TTC34: variants seen among roughly 807,000 people sequenced by gnomAD.
TTC34 encodes tetratricopeptide repeat protein 34.
A neutral mutation model predicts 40.7 loss-of-function variants in TTC34; 44 were observed. That is an observed-to-expected ratio of 1.08 (90% confidence interval 0.85 to 1.39). The LOEUF (loss-of-function observed/expected upper bound fraction) is 1.39. TTC34 is among the 40% of genes most tolerant of loss of function. The probability of loss-of-function intolerance (pLI) is 0.00; values close to 1 mark genes in which losing one functional copy is unlikely to be tolerated. For missense variants in TTC34, 884 were observed against 838.0 expected, an observed-to-expected ratio of 1.05 and a Z score of -0.68; for synonymous variants, 422 against 398.6, an observed-to-expected ratio of 1.06 and a Z score of -0.70.
At position 2,683,728 on chromosome 1, in the gene TTC34, C is replaced by T. The variant is rs1253946516; in HGVS notation, c.2227-38165G>A. 8.8e-4 allele frequency among the ~76,000 whole-genome samples: 127 copies of T among 145,102 alleles called. 4 individuals carry two copies. Among genetic ancestry groups the T allele is most frequent in the African/African-American group, 3.3e-3 (124 of 37,104 alleles). On this transcript the variant is annotated intron_variant, in intron 6 of 8. Coordinates refer to ENST00000401095, the Ensembl canonical transcript of TTC34. ...AGCACCCACACCCCCAGGTGAGCAG[C>T]TGATATCCTGGAACAGCACCCACAC...
chr1:2,749,353 G>T (rs1641242541), intron 6 of TTC34, among the ~76,000 whole-genome samples: 1 of 105,972 alleles, frequency 9.4e-6, no homozygotes, highest in Non-Finnish European at 1.7e-5. Context: ...GACTGGAACA[G>T]CACCCACATG....
intron 6 of TTC34, among the ~76,000 whole-genome samples, chr1:2,648,502 G>T (rs778217482): frequency 2.6e-5 from 4 of 152,130 alleles, no homozygotes; most frequent in Non-Finnish European, 4.4e-5. Context: ...GCTCTTTGCT[G>T]CCTGTTGTTT....
chr1:2,800,666 C>G (rs1643761874), exon 2 of TTC34: 2 of 398,554 alleles, frequency 5.0e-6, no homozygotes, highest in Non-Finnish European at 8.8e-6. Context: ...CCGCCGCCCC[C>G]CGAGCCTGGG....
At chr1:2,642,464 C>A (rs12726651) in intron 8 of TTC34, among the ~76,000 whole-genome samples, 1 of 152,040 alleles carries the variant, frequency 6.6e-6, no homozygotes, top group Admixed American at 6.5e-5. Context: ...GGACGGAGGG[C>A]ACAGCCTGTG....
intron 6 of TTC34, among the ~76,000 whole-genome samples, chr1:2,688,089 C>T (rs528707681): frequency 4.0e-5 from 6 of 151,618 alleles, no homozygotes; most frequent in South Asian, 2.1e-4. Flanking sequence ...ACCCTGCACC[C>T]CCAGGTGCGC....
chr1:2,784,326 C>T (rs1220598707), intron 5 of TTC34, among the ~76,000 whole-genome samples: 1 of 152,180 alleles, frequency 6.6e-6, no homozygotes, highest in Non-Finnish European at 1.5e-5. Flanking sequence ...CCTTCTACCG[C>T]TATCTACTAC....
intron 3 of TTC34, 99 bp downstream of exon 3, chr1:2,789,404 C>G: frequency 8.3e-7 from 1 of 1,211,068 alleles, no homozygotes; most frequent in South Asian, 1.6e-5. Context: ...CCACTGCCTC[C>G]GTTCATTCCT....
chr1:2,790,736 T>C (rs1392926890), intron 2 of TTC34, among the ~76,000 whole-genome samples: 1 of 152,228 alleles, frequency 6.6e-6, no homozygotes, highest in Non-Finnish European at 1.5e-5. Context: ...TTTCCTCCTC[T>C]GGGAATCAGT....
chr1:2,685,153 C>T (rs1203881495), intron 6 of TTC34, among the ~76,000 whole-genome samples: 1 of 144,508 alleles, frequency 6.9e-6, no homozygotes, highest in Non-Finnish European at 1.5e-5. Context: ...GGAACAGCAC[C>T]CACAACCCCA....
chr1:2,642,444 T>C (rs1364829411), intron 8 of TTC34, among the ~76,000 whole-genome samples: 1 of 152,086 alleles, frequency 6.6e-6, no homozygotes, highest in Non-Finnish European at 1.5e-5. Context: ...CCCCTCTCCC[T>C]GGGGCTGCTG....
chr1:2,759,358 A>C (rs1291362381), intron 6 of TTC34, among the ~76,000 whole-genome samples: 150 of 17,222 alleles, frequency 8.7e-3, no homozygotes, highest in Non-Finnish European at 0.012. Context: ...CACCCCACAC[A>C]CCCAGGTGAG....
chr1:2,761,330 G>T (rs1300054477), intron 6 of TTC34, among the ~76,000 whole-genome samples: 7 of 81,560 alleles, frequency 8.6e-5, no homozygotes, highest in South Asian at 5.4e-4. Context: ...ACAACCCCAG[G>T]TGAGTATCTG....
intron 3 of TTC34, among the ~76,000 whole-genome samples, chr1:2,788,123 G>A (rs1432879873): frequency 1.3e-5 from 2 of 152,244 alleles, no homozygotes; most frequent in Non-Finnish European, 2.9e-5. Flanking sequence ...GTGCTCACTG[G>A]GAAATGGGGC....
rs1466696221 is a variant in TTC34, at chr1:2,691,255, C to A, written c.2227-45692G>T. 3.3e-5 allele frequency among the ~76,000 whole-genome samples: 3 copies of A among 91,430 alleles called. No homozygotes were observed. The East Asian group carries it at 7.8e-4, about 24-fold the overall frequency. 60.0% of individuals were successfully genotyped at this position (91,430 alleles called of 152,430 possible). A position where few individuals can be genotyped will look rare whatever the true frequency, so the allele number is the denominator to read the frequency against. On this transcript the variant is annotated intron_variant, in intron 6 of 8. Transcript: ENST00000401095. ...GAGCATCTGACAGCCTGCAACAGCA[C>A]CCACACCCCCAGGTGAGAATCCGAC... is the stretch of plus-strand genomic sequence containing the variant.
At chr1:2,789,639 T>A in exon 3 of TTC34, 1 of 1,360,180 alleles carries the variant, frequency 7.4e-7, no homozygotes, top group Non-Finnish European at 9.4e-7. Flanking sequence ...CCCCGCTGGT[T>A]CCAGGGCACG....
chr1:2,750,154 GAACAAA>G (rs1641267827), intron 6 of TTC34, among the ~76,000 whole-genome samples: 1 of 127,138 alleles, frequency 7.9e-6, no homozygotes, highest in Non-Finnish European at 1.6e-5. Flanking sequence ...GCGTGGAGCA[GAACAAA>G]CACCCCCAGG....
chr1:2,776,278 G>T (rs1557676207), intron 6 of TTC34: 1 of 113,022 alleles, frequency 8.8e-6, no homozygotes, highest in Non-Finnish European at 1.7e-5. Context: ...TGGAACAGCA[G>T]CTCACATCCC....
At chr1:2,760,071 A>AGCACCCACCGTCCAAG in intron 6 of TTC34, among the ~76,000 whole-genome samples, 1 of 95,126 alleles carries the variant, frequency 1.1e-5, no homozygotes, top group Non-Finnish European at 2.0e-5. Context: ...AGCCTGGAGC[A>AGCACCCACCGTCCAAG]GTGCCCACAC....
rs1163028883 is a variant in TTC34, at chr1:2,673,367, C to T, written c.2227-27804G>A. On this transcript the variant is annotated intron_variant, in intron 6 of 8. Coordinates refer to ENST00000401095, the Ensembl canonical transcript of TTC34. ...AGCGGAACCCACGGCCACAGGCGAG[C>T]ATCTGAGGGCCTGGGTCGGCACCCA... Among the ~76,000 whole-genome samples the T allele has an allele frequency of 2.9e-5, 2 of 69,248 alleles. 1 individual carries two copies. Among genetic ancestry groups the T allele is most frequent in the Non-Finnish European group, 6.6e-5 (2 of 30,318 alleles). The allele number at this position is 69,248 out of a possible 152,430, so 45.4% of individuals were successfully genotyped here.
Sources: allele counts gnomAD v4.1 joint callset (sites outside exome capture counted in the v4.1 genomes callset), GRCh38; gene constraint gnomAD v4.1.1; transcripts MANE v1.5; gene names NCBI Gene and HGNC (gene_info 2026-07-23, HGNC 2026-07-21).